LITAF: variants seen among roughly 807,000 people sequenced by gnomAD.
LITAF encodes the protein lipopolysaccharide-induced tumor necrosis factor-alpha factor.
Under a neutral mutation model 14.5 loss-of-function variants are expected in LITAF, and 9 were observed. The ratio of observed to expected loss-of-function variants is 0.62; its 90% confidence interval spans 0.37 to 1.08. The LOEUF is 1.08. Ranked by LOEUF, LITAF falls within the 50% of genes least tolerant of loss-of-function variation. The pLI is 0.01. For missense variants in LITAF, 206 were observed against 213.4 expected (o/e 0.97, Z 0.22); for synonymous variants, 98 against 88.2 (o/e 1.11, Z -0.62).
In LITAF at chr16:11,548,163, G is replaced by A. The variant is rs749800119; in HGVS notation, c.*1474C>T. ...GTTTTCAACCAATATACAGATGTTC[G>A]CTCAAGGTCTAGGTTTTATTTCTAC... On this transcript the variant is annotated 3_prime_UTR_variant, in exon 4 of 4. Coordinates refer to ENST00000622633, the MANE Select transcript of LITAF (RefSeq NM_001136472.2). 5 of 454,062 alleles carry A rather than the reference G, an allele frequency of 1.1e-5. No individual in the cohort carries two copies. The highest frequency in any genetic ancestry group is 6.9e-5 in the East Asian group (1 of 14,400). 28.1% of individuals were successfully genotyped at this position (454,062 alleles called of 1,614,324 possible).
At chr16:11,587,638 T>A (rs1212423426), upstream of LITAF, 3 of 227,962 alleles carry the variant, frequency 1.3e-5, no homozygotes, top group Admixed American at 5.4e-5. Flanking sequence ...TGCCGCCAGG[T>A]AGGCCTTTCT....
chr16:11,607,355 CTG>C (rs2064960053), intron 3 of LITAF, among the ~76,000 whole-genome samples: 1 of 152,186 alleles, frequency 6.6e-6, no homozygotes. Context: ...GTATAAGGGC[CTG>C]TAGGAGAAAA....
chr16:11,608,007 C>A (rs2064963386), intron 3 of LITAF, among the ~76,000 whole-genome samples: 1 of 152,178 alleles, frequency 6.6e-6, no homozygotes, highest in South Asian at 2.1e-4. Context: ...CAACAGTAAA[C>A]CCCCTCAGGC....
chr16:11,580,068 A>G (rs2064708958), intron 1 of LITAF, among the ~76,000 whole-genome samples: 2 of 152,240 alleles, frequency 1.3e-5, no homozygotes, highest in South Asian at 4.1e-4. Flanking sequence ...CTCAAAGGAA[A>G]TGCTCATTGG....
intron 1 of LITAF, among the ~76,000 whole-genome samples, chr16:11,585,199 C>G (rs1223064447): frequency 1.3e-5 from 2 of 148,390 alleles, no homozygotes; most frequent in Non-Finnish European, 3.0e-5. Flanking sequence ...CACCACTGCA[C>G]TCCAGCCTAG....
upstream of LITAF, among the ~76,000 whole-genome samples, chr16:11,637,791 G>T (rs1184758876): frequency 6.7e-6 from 1 of 149,604 alleles, no homozygotes; most frequent in African/African-American, 2.5e-5. Context: ...TGAGGTGGGA[G>T]CATCACTTGG....
In LITAF at chr16:11,631,384, C is replaced by G. The variant is rs573362907; in HGVS notation, c.85+2149G>C. 1.9e-3 allele frequency among the ~76,000 whole-genome samples: 283 copies of G among 152,216 alleles called. 2 individuals are homozygous for G. Among genetic ancestry groups the G allele is most frequent in the South Asian group, 0.015 (71 of 4,826 alleles). On this transcript the variant is annotated intron_variant, in intron 3 of 3. Transcript: ENST00000574848. ...CATCCCGGGGCTGGGGGCTGCAACA[C>G]TCTGCACATGGCTTTTTGTTGTTGT...
chr16:11,556,896 A>G (rs1234878096), intron 1 of LITAF, among the ~76,000 whole-genome samples, 161 bp from the exon 2 acceptor site: 3 of 152,194 alleles, frequency 2.0e-5, no homozygotes, highest in Non-Finnish European at 4.4e-5. Flanking sequence ...TGTCCCTTCA[A>G]GACCCCAGAA....
chr16:11,569,738 G>T, intron 1 of LITAF, among the ~76,000 whole-genome samples: 1 of 152,136 alleles, frequency 6.6e-6, no homozygotes. Context: ...CTAAAAGAAA[G>T]GTAAGACAAT....
intron 3 of LITAF, among the ~76,000 whole-genome samples, chr16:11,550,596 G>C (rs1161214493): frequency 6.6e-6 from 1 of 152,190 alleles, no homozygotes; most frequent in African/African-American, 2.4e-5. Flanking sequence ...CAAAGTCTTA[G>C]ATGGGCTTGG....
chr16:11,640,269 C>T (rs921757869), upstream of LITAF, among the ~76,000 whole-genome samples: 5 of 152,276 alleles, frequency 3.3e-5, no homozygotes, highest in Admixed American at 6.5e-5. Flanking sequence ...AATGAACAAA[C>T]GAATGAAGGG....
At chr16:11,618,680 T>C (rs770407260) in intron 3 of LITAF, among the ~76,000 whole-genome samples, 1 of 152,002 alleles carries the variant, frequency 6.6e-6, no homozygotes, top group Non-Finnish European at 1.5e-5. Flanking sequence ...TTCATAGAGC[T>C]GCAAATTAAA....
At chr16:11,599,243 G>A (rs1199589266), upstream of LITAF, among the ~76,000 whole-genome samples, 1 of 151,582 alleles carries the variant, frequency 6.6e-6, no homozygotes, top group East Asian at 1.9e-4. Context: ...CTCAGCCTCT[G>A]GGTAGCTGGG....
rs2064130138 is a variant in LITAF, at chr16:11,548,024, T to C, written c.*1613A>G. ...CACCGGGTGAACCAAAGACTTTATT[T>C]TTCAAAAGCAGGTAACACCAAAGTA... On this transcript the variant is annotated 3_prime_UTR_variant, in exon 4 of 4. Transcript: ENST00000622633. 1 of 454,008 alleles carries C rather than the reference T, an allele frequency of 2.2e-6. No homozygotes were observed. The highest frequency in any genetic ancestry group is 4.4e-6 in the Non-Finnish European group (1 of 226,798). The allele number at this position is 454,008 out of a possible 1,614,324, so 28.1% of individuals were successfully genotyped here. A position where few individuals can be genotyped will look rare whatever the true frequency, so the allele number is the denominator to read the frequency against.
chr16:11,587,999 C>G (rs1158153439), upstream of LITAF, among the ~76,000 whole-genome samples: 1 of 152,124 alleles, frequency 6.6e-6, no homozygotes, highest in East Asian at 1.9e-4. Flanking sequence ...GATAGTGAGG[C>G]CCAGATAGGG....
chr16:11,637,970 A>ATATC (rs1362378626), upstream of LITAF, among the ~76,000 whole-genome samples: 7 of 43,262 alleles, frequency 1.6e-4, 1 homozygote, highest in African/African-American at 3.4e-4. Flanking sequence ...ATATATCTAT[A>ATATC]TATCTATATA....
intron 1 of LITAF, among the ~76,000 whole-genome samples, chr16:11,596,030 C>T (rs921305586): frequency 1.1e-4 from 17 of 152,144 alleles, no homozygotes; most frequent in African/African-American, 4.1e-4. Context: ...GCTCCAAGTC[C>T]ATGGACAGTC....
At chr16:11,598,776 A>G (rs759245667), upstream of LITAF, among the ~76,000 whole-genome samples, 6 of 152,068 alleles carry the variant, frequency 3.9e-5, no homozygotes, top group Non-Finnish European at 5.9e-5. Context: ...TGGTCATGAC[A>G]ATGAGATAAA....
At chr16:11,615,152 G>T (rs1369772887) in intron 3 of LITAF, among the ~76,000 whole-genome samples, 11 of 152,232 alleles carry the variant, frequency 7.2e-5, no homozygotes, top group Admixed American at 2.6e-4. Flanking sequence ...GGGGACAGTG[G>T]CTGAGGAAAG....
Sources: gnomAD v4.1 joint callset for allele counts (sites outside exome capture counted in the v4.1 genomes callset) on GRCh38, gnomAD v4.1.1 for gene constraint, MANE v1.5 for transcripts, NCBI Gene and HGNC (gene_info 2026-07-23, HGNC 2026-07-21) for gene names.